The following CDKL4 variants were observed in gnomAD, a reference collection of about 807,000 sequenced individuals.
CDKL4 encodes cyclin dependent kinase like 4, also known as cyclin-dependent kinase-like 4.
CDKL4 carries 44 observed loss-of-function variants against 42.0 expected under a neutral mutation model. That is an observed-to-expected ratio of 1.05 (90% CI 0.82 to 1.35). CDKL4 has a LOEUF of 1.35. Among genes scored for constraint, CDKL4 ranks in the 40% most tolerant of loss-of-function variants. The pLI is 0.00. For missense variants in CDKL4, 393 were observed against 369.9 expected (o/e 1.06, Z -0.51); for synonymous variants, 120 against 121.6 (o/e 0.99, Z 0.09).
chr2:39,196,143 C>G (rs1003225069), intron 5 of CDKL4, among the ~76,000 whole-genome samples: 1 of 152,212 alleles, frequency 6.6e-6, no homozygotes, highest in Admixed American at 6.5e-5. Flanking sequence ...TTGAGAGCAC[C>G]AGCTCCTGGC....
chr2:39,218,037 A>G (rs990625462), intron 3 of CDKL4, among the ~76,000 whole-genome samples: 1 of 151,504 alleles, frequency 6.6e-6, no homozygotes, highest in African/African-American at 2.4e-5. Flanking sequence ...CTGGCCCCCA[A>G]GGCTTATTTA....
intron 1 of CDKL4, among the ~76,000 whole-genome samples, chr2:39,240,128 C>A (rs190229298): frequency 7.3e-6 from 1 of 136,386 alleles, no homozygotes; most frequent in African/African-American, 2.8e-5. Flanking sequence ...AAAAATTAAC[C>A]GCCAGGCGTG....
chr2:39,223,398 C>G (rs1474277356), intron 3 of CDKL4, among the ~76,000 whole-genome samples: 1 of 152,102 alleles, frequency 6.6e-6, no homozygotes, highest in Non-Finnish European at 1.5e-5. Flanking sequence ...ATGGCACTCT[C>G]TCTAGCCATC....
chr2:39,191,758 G>A (rs1285373356), intron 5 of CDKL4, among the ~76,000 whole-genome samples: 2 of 152,184 alleles, frequency 1.3e-5, no homozygotes, highest in Admixed American at 1.3e-4. Flanking sequence ...CCACAGGTGT[G>A]GACTGCCTGG....
At chr2:39,173,260 T>C (rs1305647433), downstream of CDKL4, among the ~76,000 whole-genome samples, 1 of 152,180 alleles carries the variant, frequency 6.6e-6, no homozygotes, top group Non-Finnish European at 1.5e-5. Context: ...GCAGTATGAG[T>C]GGTTTGGTAA....
chr2:39,186,373 C>T (rs1251296989), intron 7 of CDKL4, among the ~76,000 whole-genome samples: 8 of 152,180 alleles, frequency 5.3e-5, no homozygotes, highest in Non-Finnish European at 1.0e-4. Flanking sequence ...CCTTCTCAGA[C>T]TTTGCCCCAT....
chr2:39,209,998 C>CT (rs975857502), intron 4 of CDKL4, among the ~76,000 whole-genome samples: 6 of 151,926 alleles, frequency 3.9e-5, no homozygotes, highest in Non-Finnish European at 8.8e-5. Context: ...GAAAAATTAT[C>CT]TTTTTTTGAG....
intron 3 of CDKL4, among the ~76,000 whole-genome samples, chr2:39,213,873 G>GTC (rs978915036): frequency 6.6e-6 from 1 of 151,866 alleles, no homozygotes; most frequent in Non-Finnish European, 1.5e-5. Flanking sequence ...CTCTCTCCCT[G>GTC]TCTCTCTCTG....
At chr2:39,171,296 T>C (rs1349137099), downstream of CDKL4, among the ~76,000 whole-genome samples, 6 of 151,424 alleles carry the variant, frequency 4.0e-5, no homozygotes, top group African/African-American at 1.5e-4. Flanking sequence ...AATCTGCAAG[T>C]GCAATGAAGA....
intron 8 of CDKL4, among the ~76,000 whole-genome samples, chr2:39,183,037 T>C (rs1280461850): frequency 6.6e-6 from 1 of 152,208 alleles, no homozygotes; most frequent in African/African-American, 2.4e-5. Context: ...ATCTCAGCAC[T>C]TTGGGAGGCC....
chr2:39,220,982 T>C (rs1213545974), intron 3 of CDKL4, among the ~76,000 whole-genome samples: 2 of 41,610 alleles, frequency 4.8e-5, no homozygotes, highest in East Asian at 1.5e-3. Context: ...CGATCTTTTT[T>C]TTTTTTTTTT....
intron 3 of CDKL4, among the ~76,000 whole-genome samples, chr2:39,222,589 C>CTAAATAAA (rs565971477): frequency 2.6e-5 from 4 of 151,410 alleles, no homozygotes; most frequent in Admixed American, 6.6e-5. Context: ...GACTCTGTCT[C>CTAAATAAA]TAAATAAATA....
chr2:39,205,457 C>T (rs936707964), intron 4 of CDKL4, among the ~76,000 whole-genome samples: 3 of 151,898 alleles, frequency 2.0e-5, no homozygotes, highest in African/African-American at 7.3e-5. Context: ...CAGGAGACTT[C>T]CAAGTGTGAA....
chr2:39,185,035 T>A (rs928094018), intron 7 of CDKL4, among the ~76,000 whole-genome samples: 3 of 150,582 alleles, frequency 2.0e-5, no homozygotes, highest in South Asian at 2.1e-4. Context: ...TCACCTGGCC[T>A]ATATTTTGAA....
intron 4 of CDKL4, among the ~76,000 whole-genome samples, chr2:39,207,378 C>G (rs540800112): frequency 1.3e-5 from 2 of 151,954 alleles, no homozygotes; most frequent in African/African-American, 2.4e-5. Flanking sequence ...GAGTGAGACC[C>G]TGTCTCAAAA....
At chr2:39,241,287 C>T (rs1450334477) in intron 1 of CDKL4, among the ~76,000 whole-genome samples, 4 of 152,036 alleles carry the variant, frequency 2.6e-5, no homozygotes, top group Admixed American at 6.6e-5. Context: ...AAAAAGAAAA[C>T]GATAAACAAC....
At position 39,207,617 on chromosome 2, in the gene CDKL4, G is replaced by C. The variant is rs72799494; in HGVS notation, c.364-3000C>G. Among the ~76,000 whole-genome samples, 141 of 152,222 alleles carry C rather than the reference G, an allele frequency of 9.3e-4. 1 individual carries two copies. Among genetic ancestry groups the C allele is most frequent in the Non-Finnish European group, 1.7e-3 (114 of 68,008 alleles). ...GATTTACATCAATATCTGTCCATTGGCCTATACATATGTTTTCTGCATCTA... is the reference window on the plus strand; with the variant it reads ...GATTTACATCAATATCTGTCCATTGCCCTATACATATGTTTTCTGCATCTA... On this transcript the variant is annotated intron_variant, in intron 4 of 9. Transcript: ENST00000451199.
chr2:39,175,350 T>C (rs1675122003), downstream of CDKL4, among the ~76,000 whole-genome samples: 1 of 152,218 alleles, frequency 6.6e-6, no homozygotes, highest in African/African-American at 2.4e-5. Context: ...TTCCTTGTCA[T>C]TGGTCCACTG....
At chr2:39,228,801 G>A (rs1020738491) in intron 2 of CDKL4, among the ~76,000 whole-genome samples, 1 of 152,182 alleles carries the variant, frequency 6.6e-6, no homozygotes, top group African/African-American at 2.4e-5. Context: ...GATATTTAGC[G>A]TAAGAAAAAA....
Sources: gnomAD v4.1 joint callset for allele counts (sites outside exome capture counted in the v4.1 genomes callset) on GRCh38, gnomAD v4.1.1 for gene constraint, MANE v1.5 for transcripts, NCBI Gene and HGNC (gene_info 2026-07-23, HGNC 2026-07-21) for gene names.